The following TMED10 variants were observed in gnomAD, a reference collection of about 807,000 sequenced individuals.
TMED10 encodes transmembrane emp24 domain-containing protein 10.
A neutral mutation model predicts 23.1 loss-of-function variants in TMED10; 7 were observed. The ratio of observed to expected loss-of-function variants is 0.30; its 90% CI spans 0.17 to 0.57. TMED10 has a LOEUF of 0.57. TMED10 is among the 20% of genes least tolerant of loss of function. TMED10 has a pLI of 0.91. For missense variants in TMED10, 162 were observed against 274.8 expected (o/e 0.59, Z 2.90); for synonymous variants, 113 against 106.9 (o/e 1.06, Z -0.35).
chr14:75,169,449 G>A (rs1206021569), intron 1 of TMED10, among the ~76,000 whole-genome samples: 1 of 152,142 alleles, frequency 6.6e-6, no homozygotes, highest in Non-Finnish European at 1.5e-5. Context: ...CCTGAGGTCA[G>A]GAGTTTGAGA....
intron 1 of TMED10, among the ~76,000 whole-genome samples, chr14:75,157,120 T>C (rs758142229): frequency 5.9e-5 from 9 of 152,152 alleles, no homozygotes; most frequent in Non-Finnish European, 1.2e-4. Flanking sequence ...CACACATTTC[T>C]AGCGGTACAA....
intron 1 of TMED10, among the ~76,000 whole-genome samples, chr14:75,157,239 G>T (rs1201661373): frequency 6.6e-6 from 1 of 152,232 alleles, no homozygotes; most frequent in Non-Finnish European, 1.5e-5. Flanking sequence ...AAAGAATCAT[G>T]CTATATACTT....
intron 1 of TMED10, among the ~76,000 whole-genome samples, chr14:75,173,430 ATG>A (rs1182411818): frequency 6.6e-6 from 1 of 151,952 alleles, no homozygotes; most frequent in East Asian, 1.9e-4. Flanking sequence ...GAAAAATCAG[ATG>A]TGGCAAAAAG....
chr14:75,162,770 G>A (rs185117432), intron 1 of TMED10, among the ~76,000 whole-genome samples: 9 of 151,610 alleles, frequency 5.9e-5, no homozygotes, highest in African/African-American at 1.9e-4. Flanking sequence ...ATGATGTGAT[G>A]AAAATGACAC....
intron 3 of TMED10, among the ~76,000 whole-genome samples, chr14:75,143,599 C>T: frequency 6.6e-6 from 1 of 152,104 alleles, no homozygotes; most frequent in South Asian, 2.1e-4. Context: ...TCCAGGAGCA[C>T]AGCAATAAAT....
At chr14:75,154,727 G>A (rs936788272) in intron 1 of TMED10, among the ~76,000 whole-genome samples, 10 of 151,578 alleles carry the variant, frequency 6.6e-5, no homozygotes, top group East Asian at 2.0e-4. Flanking sequence ...GCAGTGATGC[G>A]ATCTCGGCTT....
At chr14:75,150,676 C>T (rs963917157) in intron 2 of TMED10, among the ~76,000 whole-genome samples, 2 of 152,228 alleles carry the variant, frequency 1.3e-5, no homozygotes, top group Admixed American at 6.5e-5. Flanking sequence ...ACCATATAGC[C>T]GAGGTGGGTA....
At chr14:75,175,001 C>A (rs1360635312) in intron 1 of TMED10, among the ~76,000 whole-genome samples, 1 of 139,068 alleles carries the variant, frequency 7.2e-6, no homozygotes, top group Non-Finnish European at 1.5e-5. Context: ...GATCGCGCCA[C>A]AGCACTCCAG....
At position 75,131,838 on chromosome 14, in the gene TMED10, G is replaced by A. The variant is rs765837371; in HGVS notation, c.*3047C>T. On this transcript the variant is annotated 3_prime_UTR_variant, in exon 5 of 5. Transcript: ENST00000303575. The stretch of plus-strand genomic sequence containing the variant: ...ACAAAATGTCCCAGTTGATAGTTTC[G>A]GCATGAGTAAAGGGAAGGGACATGA... The A allele has an allele frequency of 6.6e-6, 1 of 152,006 alleles. No homozygotes were observed. The highest frequency in any genetic ancestry group is 1.5e-5 in the Non-Finnish European group (1 of 68,002). The allele number at this position is 152,006 out of a possible 1,614,324, so 9.4% of individuals were successfully genotyped here.
intron 3 of TMED10, among the ~76,000 whole-genome samples, chr14:75,142,208 T>A (rs763434649): frequency 6.6e-6 from 1 of 152,124 alleles, no homozygotes; most frequent in African/African-American, 2.4e-5. Flanking sequence ...GGGGGTGATA[T>A]CCCCCTGGCA....
intron 3 of TMED10, among the ~76,000 whole-genome samples, chr14:75,136,540 G>A (rs2139830109): frequency 6.6e-6 from 1 of 152,230 alleles, no homozygotes; most frequent in African/African-American, 2.4e-5. Flanking sequence ...CAATAAATGT[G>A]GGAGTCATAT....
intron 3 of TMED10, among the ~76,000 whole-genome samples, chr14:75,137,979 G>A (rs1043532887): frequency 6.6e-6 from 1 of 152,044 alleles, no homozygotes; most frequent in African/African-American, 2.4e-5. Flanking sequence ...AAAGTGCTGG[G>A]ATTACAGGCG....
Position 75,145,255 on chromosome 14 carries a change from T to C in TMED10, c.411+2409A>G, listed in dbSNP as rs1022532254. Among the ~76,000 whole-genome samples, 3 of 152,154 alleles carry C rather than the reference T, an allele frequency of 2.0e-5. 1 individual carries two copies. In the South Asian group the frequency reaches 6.2e-4, roughly 32 times the overall value. On this transcript the variant is annotated intron_variant, in intron 3 of 4. Coordinates refer to ENST00000303575, the MANE Select transcript of TMED10 (RefSeq NM_006827.6). ...GGCAAAGGAAGCACCGTGGTTTTCTTTGGGCTAGGGATTCCCCTCTTGGGT... is the reference window on the plus strand; with the variant it reads ...GGCAAAGGAAGCACCGTGGTTTTCTCTGGGCTAGGGATTCCCCTCTTGGGT...
At chr14:75,168,778 T>C (rs1053593527) in intron 1 of TMED10, among the ~76,000 whole-genome samples, 1 of 152,170 alleles carries the variant, frequency 6.6e-6, no homozygotes, top group Admixed American at 6.5e-5. Flanking sequence ...TATACAACAA[T>C]GTGTACGTTA....
intron 3 of TMED10, among the ~76,000 whole-genome samples, chr14:75,137,289 C>T (rs1043756403): frequency 6.7e-6 from 1 of 150,266 alleles, no homozygotes; most frequent in African/African-American, 2.4e-5. Flanking sequence ...AGATTACAGG[C>T]GTGATCCACC....
chr14:75,134,914 A>C lies in TMED10; in HGVS notation c.631T>G (p.Phe211Val). 1 of 1,614,096 alleles carries C rather than the reference A, an allele frequency of 6.2e-7. No individual in the cohort carries two copies. Among genetic ancestry groups the C allele is most frequent in the East Asian group, 2.2e-5 (1 of 44,876 alleles). Residue 211 changes from phenylalanine to valine, a missense_variant, in exon 5 of 5, where the codon TTC (phenylalanine) becomes GTC (valine). Coordinates refer to ENST00000303575, the MANE Select transcript of TMED10 (RefSeq NM_006827.6). ...TCAATCAATTTCTTGGCCTTGAAGA[A>C]GCGTCGCAGGTAGAAGACCTGCCAG... ...ATWQVFYLRRFFKAKKLIE is the reference protein window; with the variant it reads ...ATWQVFYLRRVFKAKKLIE
Position 75,134,940 on chromosome 14 carries a change from G to C in TMED10, c.605C>G (p.Thr202Ser). The C allele has an allele frequency of 6.2e-7, 1 of 1,614,036 alleles. No homozygotes were observed. ...FSMFCLIGLA[T>S]WQVFYLRRFF... ...GCGTCGCAGGTAGAAGACCTGCCAG[G>C]TAGCTAGTCCAATGAGACAGAACAT... Residue 202 changes from threonine to serine, a missense_variant, in exon 5 of 5, where the codon ACC (threonine) becomes AGC (serine). This residue lies in a region of TMED10 where 126 missense variants were observed against 239.5 expected (regional missense o/e 0.53). Coordinates refer to ENST00000303575, the MANE Select transcript of TMED10 (RefSeq NM_006827.6).
intron 1 of TMED10, among the ~76,000 whole-genome samples, chr14:75,153,967 TC>T (rs976110294): frequency 1.2e-4 from 18 of 151,334 alleles, no homozygotes; most frequent in African/African-American, 4.1e-4. Context: ...AGACAGGGTT[TC>T]CCTGTGTTGG....
chr14:75,164,571 ATATATATTTTTTT>A (rs1468999059), intron 1 of TMED10, among the ~76,000 whole-genome samples: 7 of 2,110 alleles, frequency 3.3e-3, no homozygotes, highest in South Asian at 0.024. Flanking sequence ...ATATATATAT[ATATATATTTTTTT>A]TTTTTTTTTT....
Sources: allele counts gnomAD v4.1 joint callset (sites outside exome capture counted in the v4.1 genomes callset), GRCh38; gene constraint gnomAD v4.1.1; regional missense constraint gnomAD v4.1.1; transcripts MANE v1.5; gene names NCBI Gene and HGNC (gene_info 2026-07-23, HGNC 2026-07-21).